The following BPTF variants were observed in gnomAD, a reference collection of about 807,000 sequenced individuals.
BPTF encodes nucleosome-remodeling factor subunit BPTF.
BPTF carries 18 observed loss-of-function variants against 292.5 expected under a neutral mutation model. That is an observed-to-expected ratio of 0.06 (90% confidence interval 0.04 to 0.09). BPTF has a LOEUF of 0.09. Ranked by LOEUF, BPTF falls within the 10% of genes least tolerant of loss-of-function variation. The pLI is 1.00. For missense variants in BPTF, 2,726 were observed against 3,498.7 expected (o/e 0.78, Z 5.57); for synonymous variants, 1,225 against 1,251.9 (o/e 0.98, Z 0.45).
intron 20 of BPTF, among the ~76,000 whole-genome samples, chr17:67,945,139 A>C (rs1483998980): frequency 6.6e-6 from 1 of 152,148 alleles, no homozygotes; most frequent in African/African-American, 2.4e-5. Flanking sequence ...GGACGCAAGC[A>C]ATCCTCCCAC....
intron 17 of BPTF, among the ~76,000 whole-genome samples, 194 bp from the exon 18 acceptor site, chr17:67,931,717 T>G (rs2064406293): frequency 6.6e-6 from 1 of 152,198 alleles, no homozygotes; most frequent in African/African-American, 2.4e-5. Context: ...AGCATTTGAA[T>G]TAAGTTTTCT....
intron 17 of BPTF, among the ~76,000 whole-genome samples, chr17:67,930,893 C>T (rs1345452465): frequency 6.6e-6 from 1 of 151,654 alleles, no homozygotes; most frequent in African/African-American, 2.4e-5. Context: ...AGGCAGAGGC[C>T]ACAGTGAGCT....
chr17:67,835,336 T>A (rs1277394971), intron 1 of BPTF, among the ~76,000 whole-genome samples: 1 of 152,244 alleles, frequency 6.6e-6, no homozygotes, highest in East Asian at 1.9e-4. Flanking sequence ...TTTGGGGCAT[T>A]TCATATCATT....
At chr17:67,940,696 T>C in intron 19 of BPTF, 40 bp downstream of exon 19, 2 of 1,563,622 alleles carry the variant, frequency 1.3e-6, no homozygotes, top group Non-Finnish European at 1.8e-6. Flanking sequence ...AGAGGTGATC[T>C]TATTTATTCT....
At chr17:67,960,022 ATTC>A (rs1468265077) in intron 24 of BPTF, 147 bp downstream of exon 24, 4 of 629,952 alleles carry the variant, frequency 6.3e-6, no homozygotes, top group Admixed American at 3.6e-5. Context: ...TGCATGTGAT[ATTC>A]TTACCATTGA....
At position 67,918,850 on chromosome 17, in the gene BPTF, G is replaced by A; in HGVS notation, c.5428+12G>A. The A allele has an allele frequency of 6.2e-7, 1 of 1,611,402 alleles. No individual in the cohort carries two copies. Among genetic ancestry groups the A allele is most frequent in the Non-Finnish European group, 8.5e-7 (1 of 1,178,298 alleles). The stretch of plus-strand genomic sequence containing the variant: ...GACTACACGGACAGGTAAGGGGGAA[G>A]GGAGTTATTTTCTAATTTAAGTTTA... On this transcript the variant is annotated intron_variant, in intron 12 of 27. Transcript: ENST00000306378.
chr17:67,910,500 C>G (rs975843429), intron 10 of BPTF, among the ~76,000 whole-genome samples: 6 of 152,048 alleles, frequency 3.9e-5, no homozygotes, highest in African/African-American at 1.2e-4. Flanking sequence ...GCTAGAGATA[C>G]TTTAAAAAAA....
chr17:67,923,625 G>A (rs1220715992), intron 14 of BPTF, among the ~76,000 whole-genome samples: 10 of 150,680 alleles, frequency 6.6e-5, no homozygotes, highest in Non-Finnish European at 1.3e-4. Flanking sequence ...GATTACGGGG[G>A]TGTGCCACCA....
intron 1 of BPTF, among the ~76,000 whole-genome samples, chr17:67,841,636 A>G (rs1400911113): frequency 2.0e-5 from 3 of 152,078 alleles, no homozygotes; most frequent in South Asian, 2.1e-4. Flanking sequence ...TCCTGGGCTC[A>G]AGCAGTCCAC....
chr17:67,918,359 C>A (rs929064414), intron 11 of BPTF, among the ~76,000 whole-genome samples: 12 of 152,152 alleles, frequency 7.9e-5, no homozygotes, highest in Admixed American at 7.2e-4. Context: ...TATATTTGGT[C>A]CCCAAAATTT....
chr17:67,835,766 C>T (rs946205303), intron 1 of BPTF, among the ~76,000 whole-genome samples: 5 of 151,604 alleles, frequency 3.3e-5, no homozygotes, highest in South Asian at 4.2e-4. Context: ...CCCGGGTTCA[C>T]GCCATTCTCT....
intron 23 of BPTF, among the ~76,000 whole-genome samples, chr17:67,958,676 C>T (rs113332041): frequency 0.018 from 2,650 of 151,192 alleles, 69 homozygotes; most frequent in African/African-American, 0.059. Context: ...GGTTGGAGTG[C>T]GCTGAGATTG....
intron 27 of BPTF, 135 bp downstream of exon 27, chr17:67,976,093 A>G: frequency 1.5e-6 from 1 of 663,448 alleles, no homozygotes; most frequent in South Asian, 3.1e-5. Flanking sequence ...TAAATAAATC[A>G]AGACTCCAGG....
At chr17:67,977,078 T>C (rs1242145954) in intron 27 of BPTF, among the ~76,000 whole-genome samples, 2 of 152,192 alleles carry the variant, frequency 1.3e-5, no homozygotes, top group Non-Finnish European at 2.9e-5. Flanking sequence ...TAGAAGATTA[T>C]GGAAGAATAA....
intron 21 of BPTF, among the ~76,000 whole-genome samples, 200 bp downstream of exon 21, chr17:67,946,525 A>G (rs1017800171): frequency 1.2e-4 from 18 of 152,222 alleles, no homozygotes; most frequent in African/African-American, 3.9e-4. Flanking sequence ...CATATAATAT[A>G]TAGTCAGTGC....
chr17:67,849,611 C>T (rs144851860), intron 1 of BPTF, among the ~76,000 whole-genome samples: 80 of 151,896 alleles, frequency 5.3e-4, no homozygotes, highest in African/African-American at 1.9e-3. Context: ...GAGTATGGTT[C>T]GCCAGAACAG....
intron 24 of BPTF, among the ~76,000 whole-genome samples, chr17:67,960,973 C>T (rs1218017511): frequency 2.6e-5 from 4 of 152,190 alleles, no homozygotes; most frequent in African/African-American, 9.7e-5. Context: ...GGAAATTATA[C>T]ATAATGTAAA....
intron 2 of BPTF, among the ~76,000 whole-genome samples, chr17:67,865,712 G>C (rs1455568550): frequency 6.6e-6 from 1 of 152,114 alleles, no homozygotes; most frequent in Non-Finnish European, 1.5e-5. Context: ...TCTATGTCTA[G>C]TCCTAGACAT....
At chr17:67,829,671 T>C (rs573894847) in intron 1 of BPTF, among the ~76,000 whole-genome samples, 2 of 152,182 alleles carry the variant, frequency 1.3e-5, no homozygotes, top group African/African-American at 2.4e-5. Flanking sequence ...GTTTAAGATA[T>C]CCGAATAACA....
Sources: allele counts gnomAD v4.1 joint callset (sites outside exome capture counted in the v4.1 genomes callset), GRCh38; gene constraint gnomAD v4.1.1; transcripts MANE v1.5; gene names NCBI Gene and HGNC (gene_info 2026-07-23, HGNC 2026-07-21).